The following GRIA4 variants were observed in gnomAD, a reference collection of about 807,000 sequenced individuals.
The protein encoded by GRIA4 is glutamate receptor 4.
GRIA4 carries 34 observed loss-of-function variants against 104.0 expected under a neutral mutation model. The ratio of observed to expected loss-of-function variants is 0.33; its 90% confidence interval spans 0.25 to 0.44. GRIA4 has a LOEUF of 0.44. Ranked by LOEUF, GRIA4 falls within the 20% of genes least tolerant of loss-of-function variation. The pLI is 1.00. For synonymous variants in GRIA4, 386 were observed against 381.9 expected (o/e 1.01, Z -0.13); for missense variants, 750 against 1,096.5 (o/e 0.68, Z 4.46).
intron 4 of GRIA4, among the ~76,000 whole-genome samples, chr11:105,808,677 A>G (rs1943052261): frequency 1.3e-5 from 2 of 152,088 alleles, no homozygotes. Flanking sequence ...ATTTAAGTCC[A>G]TCTTCTCCCT....
intron 3 of GRIA4, among the ~76,000 whole-genome samples, chr11:105,749,705 T>C (rs1939882348): frequency 6.6e-6 from 1 of 152,174 alleles, no homozygotes; most frequent in Non-Finnish European, 1.5e-5. Flanking sequence ...AGAAGACATA[T>C]TTAATTAGTT....
intron 3 of GRIA4, among the ~76,000 whole-genome samples, chr11:105,648,837 C>T (rs946716141): frequency 4.6e-5 from 7 of 152,062 alleles, no homozygotes; most frequent in Admixed American, 2.0e-4. Flanking sequence ...TTTTAATGAC[C>T]GAAACCAGTC....
At chr11:105,921,967 A>AC (rs1372023801) in intron 11 of GRIA4, among the ~76,000 whole-genome samples, 8 of 152,132 alleles carry the variant, frequency 5.3e-5, no homozygotes, top group Non-Finnish European at 5.9e-5. Flanking sequence ...AAACACACAC[A>AC]AAAATAATTT....
intron 4 of GRIA4, among the ~76,000 whole-genome samples, chr11:105,811,469 C>T (rs1163318836): frequency 5.9e-5 from 9 of 151,970 alleles, no homozygotes; most frequent in African/African-American, 2.2e-4. Flanking sequence ...GCTTCGAGGT[C>T]CCATCCTGTC....
chr11:105,872,685 T>A (rs888469518), intron 5 of GRIA4, among the ~76,000 whole-genome samples: 1 of 152,162 alleles, frequency 6.6e-6, no homozygotes, highest in African/African-American at 2.4e-5. Context: ...AGATATCTAC[T>A]CATTGATATG....
At chr11:105,913,298 G>A in intron 10 of GRIA4, 1 of 581,072 alleles carries the variant, frequency 1.7e-6, no homozygotes, top group Non-Finnish European at 2.2e-6. Flanking sequence ...TAGCTTTTAT[G>A]GCTGTTGAAA....
intron 10 of GRIA4, among the ~76,000 whole-genome samples, chr11:105,917,578 A>G (rs1947440707): frequency 6.6e-6 from 1 of 152,158 alleles, no homozygotes; most frequent in African/African-American, 2.4e-5. Context: ...TACCAAATAA[A>G]TGTTACAGTA....
At chr11:105,830,496 C>T (rs946836713) in intron 4 of GRIA4, among the ~76,000 whole-genome samples, 1 of 152,028 alleles carries the variant, frequency 6.6e-6, no homozygotes, top group Admixed American at 6.6e-5. Context: ...AGACTTTTCT[C>T]TGCTGGCTGG....
At chr11:105,766,070 T>A (rs1940923134) in intron 4 of GRIA4, among the ~76,000 whole-genome samples, 1 of 152,206 alleles carries the variant, frequency 6.6e-6, no homozygotes, top group South Asian at 2.1e-4. Context: ...GAAACAGTAC[T>A]ATAAATCCAT....
chr11:105,876,671 C>A (rs1423563781), intron 5 of GRIA4, among the ~76,000 whole-genome samples: 1 of 151,982 alleles, frequency 6.6e-6, no homozygotes, highest in African/African-American at 2.4e-5. Flanking sequence ...TTATGTGATG[C>A]CCTTCTTTGT....
At chr11:105,765,757 A>G (rs934070330) in intron 4 of GRIA4, among the ~76,000 whole-genome samples, 2 of 152,092 alleles carry the variant, frequency 1.3e-5, no homozygotes, top group African/African-American at 4.8e-5. Context: ...CTACTTTCCC[A>G]CTTCTACAGC....
At chr11:105,625,476 G>A (rs1950863753) in intron 3 of GRIA4, among the ~76,000 whole-genome samples, 1 of 152,074 alleles carries the variant, frequency 6.6e-6, no homozygotes, top group Non-Finnish European at 1.5e-5. Flanking sequence ...CCCAAGCTAA[G>A]TAACATTTCT....
Position 105,918,775 on chromosome 11 carries a change from G to C in GRIA4, c.1333G>C (p.Gly445Arg). 3 of 1,598,910 alleles carry C rather than the reference G, an allele frequency of 1.9e-6. No individual in the cohort carries two copies. Among genetic ancestry groups the C allele is most frequent in the Non-Finnish European group, 2.6e-6 (3 of 1,166,542 alleles). The change falls in exon 11 of 17, where the codon GGA (glycine) becomes CGA (arginine). Residue 445 changes from glycine to arginine, a missense_variant. Coordinates refer to ENST00000282499, the MANE Select transcript of GRIA4 (RefSeq NM_000829.4). ...EMFEGNDKYE[G>R]YCVDLASEIA... is the part of the protein sequence containing the mutation. ...GTTTGAAGGAAATGACAAGTATGAA[G>C]GATACTGTGTAGATTTGGCATCTGA...
chr11:105,654,518 G>GCACA (rs766129790), intron 3 of GRIA4, among the ~76,000 whole-genome samples: 10 of 151,322 alleles, frequency 6.6e-5, no homozygotes, highest in Non-Finnish European at 5.9e-5. Flanking sequence ...ATTTTGAACT[G>GCACA]CACACACACA....
chr11:105,803,414 G>A (rs1164275499), intron 4 of GRIA4, among the ~76,000 whole-genome samples: 1 of 151,880 alleles, frequency 6.6e-6, no homozygotes, highest in Non-Finnish European at 1.5e-5. Context: ...TATCTTCAAT[G>A]TGCATATATA....
intron 4 of GRIA4, among the ~76,000 whole-genome samples, chr11:105,776,216 G>A (rs1941444796): frequency 6.6e-6 from 1 of 151,970 alleles, no homozygotes; most frequent in Admixed American, 6.6e-5. Context: ...AGATTGTGTA[G>A]TTTCATAACA....
intron 14 of GRIA4, among the ~76,000 whole-genome samples, chr11:105,964,777 A>G (rs929314145): frequency 2.6e-5 from 4 of 151,686 alleles, no homozygotes; most frequent in South Asian, 2.1e-4. Context: ...GCAGAAGCCC[A>G]TGACATGTTT....
chr11:105,805,478 G>GAAAAAAAAAAAAAAAAAAAA (rs57123559), intron 4 of GRIA4, among the ~76,000 whole-genome samples: 27 of 92,468 alleles, frequency 2.9e-4, no homozygotes, highest in African/African-American at 9.9e-4. Context: ...AAGAAATCAG[G>GAAAAAAAAAAAAAAAAAAAA]AAAAAAAAAA....
At chr11:105,877,819 TCAAGGTTCTTAGCTTCCTTG>T (rs1434753664) in intron 5 of GRIA4, among the ~76,000 whole-genome samples, 1 of 152,182 alleles carries the variant, frequency 6.6e-6, no homozygotes, top group Non-Finnish European at 1.5e-5. Context: ...TAACCTTTTT[TCAAGGTTCTTAGCTTCCTTG>T]CATTGGGTTA....
Sources: allele counts gnomAD v4.1 joint callset (sites outside exome capture counted in the v4.1 genomes callset), GRCh38; gene constraint gnomAD v4.1.1; transcripts MANE v1.5; gene names NCBI Gene and HGNC (gene_info 2026-07-23, HGNC 2026-07-21).